Variants in DENND2B observed in about 807,000 individuals in gnomAD.
DENND2B encodes DENN domain-containing protein 2B.
A neutral mutation model predicts 116.0 loss-of-function variants in DENND2B; 32 were observed. That is an observed-to-expected ratio of 0.28 (90% CI 0.21 to 0.37). The LOEUF is 0.37. Among genes scored for constraint, DENND2B ranks in the 10% least tolerant of loss-of-function variants. DENND2B has a pLI of 1.00. For synonymous variants in DENND2B, 588 were observed against 583.9 expected (o/e 1.01, Z -0.10); for missense variants, 1,276 against 1,477.7 (o/e 0.86, Z 2.24).
At chr11:8,757,019 TC>T in intron 1 of DENND2B, 1 of 456,098 alleles carries the variant, frequency 2.2e-6, no homozygotes, top group South Asian at 1.5e-5. Flanking sequence ...AGAGTAACAA[TC>T]CAGAGAAAGG....
chr11:8,756,736 G>A (rs1325074393), intron 1 of DENND2B, among the ~76,000 whole-genome samples: 1 of 152,140 alleles, frequency 6.6e-6, no homozygotes, highest in Non-Finnish European at 1.5e-5. Context: ...CCTCCTACAA[G>A]CAGCCCCAGG....
At chr11:8,752,174 C>T (rs542219267) in intron 1 of DENND2B, among the ~76,000 whole-genome samples, 3 of 152,144 alleles carry the variant, frequency 2.0e-5, no homozygotes, top group Non-Finnish European at 2.9e-5. Flanking sequence ...AAGGTTGAGC[C>T]GGGCGTGGTG....
intron 1 of DENND2B, among the ~76,000 whole-genome samples, chr11:8,763,028 T>C (rs752920130): frequency 1.1e-4 from 16 of 152,074 alleles, no homozygotes; most frequent in Non-Finnish European, 1.8e-4. Context: ...CCAGAATATA[T>C]GAGGAACTTC....
rs1207953865 is a variant in DENND2B, at chr11:8,827,417, T to A, written c.-115+11893A>T. On this transcript the variant is annotated intron_variant, in intron 4 of 6. Transcript: ENST00000524757. ...ATAAAGGAAGTCAACGATTTCACAG[T>A]TCTCCTGAAGGTGATGAAAGATTAT... Among the ~76,000 whole-genome samples, 3 of 152,236 alleles carry A rather than the reference T, an allele frequency of 2.0e-5. No individual in the cohort carries two copies. The East Asian group carries it at 5.8e-4, about 29-fold the overall frequency.
intron 3 of DENND2B, among the ~76,000 whole-genome samples, chr11:8,848,761 G>T (rs1395537410): frequency 6.6e-6 from 1 of 152,128 alleles, no homozygotes; most frequent in Non-Finnish European, 1.5e-5. Flanking sequence ...TAATAGCCAA[G>T]ATACTGAATC....
At chr11:8,898,987 A>G (rs1360403290) in intron 1 of DENND2B, among the ~76,000 whole-genome samples, 1 of 152,212 alleles carries the variant, frequency 6.6e-6, no homozygotes. Flanking sequence ...AAGTATGGCA[A>G]CAGTGACAAT....
chr11:8,797,456 T>C (rs10769960), intron 1 of DENND2B, among the ~76,000 whole-genome samples: 44,131 of 125,770 alleles, frequency 0.35, 8,577 homozygotes, highest in Non-Finnish European at 0.43. Context: ...CCCTTCTTCC[T>C]CCTTCTTCCC....
At chr11:8,704,878 T>G (rs902428498) in intron 13 of DENND2B, among the ~76,000 whole-genome samples, 16 of 152,000 alleles carry the variant, frequency 1.1e-4, no homozygotes, top group African/African-American at 3.9e-4. Context: ...TTTTTTGTAT[T>G]TTTGGAAGAG....
chr11:8,776,361 C>G (rs1388059782), intron 1 of DENND2B: 9 of 400,852 alleles, frequency 2.2e-5, no homozygotes, highest in Non-Finnish European at 3.5e-5. Flanking sequence ...GAAGCTCAGG[C>G]TGAGAAGCCA....
chr11:8,890,811 C>T (rs1277015232), intron 1 of DENND2B, among the ~76,000 whole-genome samples: 1 of 152,174 alleles, frequency 6.6e-6, no homozygotes, highest in Non-Finnish European at 1.5e-5. Context: ...AGTTGGAAAA[C>T]ACTCTGCAGG....
At chr11:8,725,972 G>A (rs2047021616) in intron 4 of DENND2B, 101 bp downstream of exon 4, 1 of 1,556,578 alleles carries the variant, frequency 6.4e-7, no homozygotes, top group South Asian at 1.1e-5. Flanking sequence ...GTGGGACCAT[G>A]CCTGCCCACA....
intron 1 of DENND2B, chr11:8,808,451 G>A (rs936523974): frequency 3.9e-5 from 6 of 152,310 alleles, no homozygotes; most frequent in Admixed American, 1.3e-4. Context: ...CTGCAGGATC[G>A]TCTATGAGGC....
chr11:8,846,686 G>A (rs1454563954), intron 3 of DENND2B, among the ~76,000 whole-genome samples: 2 of 152,190 alleles, frequency 1.3e-5, no homozygotes, highest in African/African-American at 4.8e-5. Context: ...CAAGGGCCAA[G>A]ATGATGCCCC....
At chr11:8,755,033 T>C (rs1027087154) in intron 1 of DENND2B, among the ~76,000 whole-genome samples, 2 of 152,236 alleles carry the variant, frequency 1.3e-5, no homozygotes, top group South Asian at 2.1e-4. Context: ...CATCTCAATA[T>C]AGACGTTAAA....
At chr11:8,799,528 C>A (rs910814447) in intron 1 of DENND2B, among the ~76,000 whole-genome samples, 1 of 148,426 alleles carries the variant, frequency 6.7e-6, no homozygotes, top group African/African-American at 2.5e-5. Flanking sequence ...TAGCTATTTT[C>A]TTCTCACACT....
rs549150903 is a variant in DENND2B, at chr11:8,868,291, CT to C, written c.-250+2662del. 2.4e-3 allele frequency among the ~76,000 whole-genome samples: 371 copies of C among 152,376 alleles called. 2 individuals are homozygous for C. The highest frequency in any genetic ancestry group is 3.7e-3 in the Non-Finnish European group (250 of 68,040). ...ATTAGGAATTATGACTTGCACATGA[CT>C]TGTGATGAGCATGTCACATTCCTGT... On this transcript the variant is annotated intron_variant, in intron 2 of 6. Coordinates refer to the DENND2B transcript ENST00000524757.
intron 5 of DENND2B, among the ~76,000 whole-genome samples, chr11:8,716,735 T>G (rs2044896521): frequency 6.6e-6 from 1 of 151,846 alleles, no homozygotes; most frequent in African/African-American, 2.4e-5. Context: ...GCAACCTCCG[T>G]CTTCCGAGTT....
At chr11:8,769,991 G>C (rs74053180) in intron 1 of DENND2B, among the ~76,000 whole-genome samples, 2,922 of 151,912 alleles carry the variant, frequency 0.019, 94 homozygotes, top group African/African-American at 0.067. Context: ...GAAAGAAAGG[G>C]GCAAAAAAAG....
At chr11:8,852,911 G>C (rs146716332) in intron 3 of DENND2B, among the ~76,000 whole-genome samples, 1 of 152,094 alleles carries the variant, frequency 6.6e-6, no homozygotes, top group Non-Finnish European at 1.5e-5. Flanking sequence ...TTGGGAGGTG[G>C]GCCTGATAAG....
Sources: gnomAD v4.1 joint callset for allele counts (sites outside exome capture counted in the v4.1 genomes callset) on GRCh38, gnomAD v4.1.1 for gene constraint, MANE v1.5 for transcripts, NCBI Gene and HGNC (gene_info 2026-07-23, HGNC 2026-07-21) for gene names.